NME7: variants seen among roughly 807,000 people sequenced by gnomAD.
NME7 encodes the protein NME/NM23 family member 7.
NME7 carries 41 observed loss-of-function variants against 49.1 expected under a neutral mutation model. The ratio of observed to expected loss-of-function variants is 0.83; its 90% CI spans 0.65 to 1.08. The LOEUF (loss-of-function observed/expected upper bound fraction) is 1.08. Among genes scored for constraint, NME7 ranks in the 50% least tolerant of loss-of-function variants. The pLI is 0.00. For missense variants in NME7, 423 were observed against 463.4 expected (o/e 0.91, Z 0.80); for synonymous variants, 139 against 150.6 (o/e 0.92, Z 0.56).
At position 169,298,609 on chromosome 1, in the gene NME7, C is replaced by A; in HGVS notation, c.595G>T (p.Asp199Tyr). 6.2e-7 allele frequency: 1 copy of A among 1,613,988 alleles called. No individual in the cohort carries two copies. Among genetic ancestry groups the A allele is most frequent in the Non-Finnish European group, 8.5e-7 (1 of 1,179,904 alleles). The change falls in exon 6 of 12, where the codon GAT (aspartate) becomes TAT (tyrosine). Residue 199 changes from aspartate to tyrosine, a missense_variant. Transcript: ENST00000367811. ...SESIRALFGTDGIRNAAHGPD... is the reference protein window; with the variant it reads ...SESIRALFGTYGIRNAAHGPD... The stretch of plus-strand genomic sequence containing the variant: ...CCATGCGCTGCATTTCTTATGCCAT[C>A]TGTTCCAAAGAGGGCTCTAATGCTT...
At chr1:169,202,135 C>T (rs758942440) in intron 10 of NME7, among the ~76,000 whole-genome samples, 1 of 152,146 alleles carries the variant, frequency 6.6e-6, no homozygotes, top group Admixed American at 6.5e-5. Flanking sequence ...TCATTTGCTG[C>T]ACATAGTAAC....
chr1:169,307,440 G>A (rs1355086460), intron 4 of NME7, among the ~76,000 whole-genome samples: 1 of 152,216 alleles, frequency 6.6e-6, no homozygotes, highest in East Asian at 1.9e-4. Flanking sequence ...CAAGTAATTA[G>A]AAGGGCTTGC....
At chr1:169,161,648 A>T (rs1490486194) in intron 11 of NME7, among the ~76,000 whole-genome samples, 3 of 152,234 alleles carry the variant, frequency 2.0e-5, no homozygotes, top group African/African-American at 4.8e-5. Context: ...GGCCTCACAG[A>T]CTGGCTGTCT....
chr1:169,329,628 T>G (rs1312122350), intron 1 of NME7, among the ~76,000 whole-genome samples: 1 of 151,942 alleles, frequency 6.6e-6, no homozygotes, highest in Non-Finnish European at 1.5e-5. Flanking sequence ...GAAGACAGGT[T>G]ATTTGAAAAT....
chr1:169,233,903 T>C (rs951014556), intron 9 of NME7, among the ~76,000 whole-genome samples: 86 of 152,206 alleles, frequency 5.7e-4, no homozygotes, highest in African/African-American at 2.0e-3. Flanking sequence ...GTTTCCTTCC[T>C]TTTCCTCTCC....
chr1:169,169,160 G>A (rs914731575), intron 11 of NME7: 27 of 406,966 alleles, frequency 6.6e-5, no homozygotes, highest in Non-Finnish European at 8.3e-5. Context: ...AGATGGCCAA[G>A]TAACAGAGTC....
At chr1:169,329,733 AAAG>A (rs1557824687) in intron 1 of NME7, among the ~76,000 whole-genome samples, 4 of 152,184 alleles carry the variant, frequency 2.6e-5, no homozygotes, top group Admixed American at 2.0e-4. Flanking sequence ...TATTGGTCTT[AAAG>A]AAGAAGTAGA....
At chr1:169,227,093 G>A (rs766740985) in intron 10 of NME7, among the ~76,000 whole-genome samples, 5 of 152,132 alleles carry the variant, frequency 3.3e-5, no homozygotes, top group Non-Finnish European at 7.3e-5. Context: ...TATTCACTCA[G>A]TAAATGTTCC....
intron 10 of NME7, among the ~76,000 whole-genome samples, chr1:169,194,231 A>G (rs973793201): frequency 8.5e-5 from 13 of 152,210 alleles, no homozygotes; most frequent in African/African-American, 3.1e-4. Flanking sequence ...GGTGGCACAC[A>G]TGGAATGGAA....
At chr1:169,153,367 C>G (rs1658963856) in intron 11 of NME7, among the ~76,000 whole-genome samples, 1 of 152,056 alleles carries the variant, frequency 6.6e-6, no homozygotes, top group African/African-American at 2.4e-5. Flanking sequence ...TTTACATTTC[C>G]AAATTTATCT....
At chr1:169,319,724 T>C (rs568881837) in intron 3 of NME7, among the ~76,000 whole-genome samples, 18 of 152,310 alleles carry the variant, frequency 1.2e-4, no homozygotes, top group Admixed American at 2.0e-4. Context: ...GGTCTTCCTT[T>C]CACTGAAAGT....
chr1:169,251,561 C>CTTT (rs34473903), intron 7 of NME7, among the ~76,000 whole-genome samples: 1 of 95,588 alleles, frequency 1.0e-5, no homozygotes, highest in Non-Finnish European at 2.3e-5. Context: ...TTTTTTTTTT[C>CTTT]TTTTTTTTTT....
chr1:169,306,378 G>T (rs909779721), intron 4 of NME7, among the ~76,000 whole-genome samples: 3 of 152,116 alleles, frequency 2.0e-5, no homozygotes, highest in African/African-American at 7.2e-5. Flanking sequence ...AGCCATCAAG[G>T]AATAGAAGGT....
rs1202239463 is a variant in NME7 at position 169,342,545 on chromosome 1, GTA to G, written c.4-18047_4-18046del. Among the ~76,000 whole-genome samples the G allele has an allele frequency of 7.4e-3, 772 of 104,396 alleles. 48 individuals carry two copies. The highest frequency in any genetic ancestry group is 0.026 in the African/African-American group (717 of 28,066). The allele number at this position is 104,396 out of a possible 152,430, so 68.5% of individuals were successfully genotyped here. A position where few individuals can be genotyped will look rare whatever the true frequency, so the allele number is the denominator to read the frequency against. On this transcript the variant is annotated intron_variant, in intron 1 of 11. Coordinates refer to ENST00000367811, the MANE Select transcript of NME7 (RefSeq NM_013330.5). The stretch of plus-strand genomic sequence containing the variant: ...ATATATATACAAGTACATATATATA[GTA>G]TATATATATATACAAGTACATATAT...
chr1:169,361,613 C>G (rs1218242061), intron 1 of NME7, among the ~76,000 whole-genome samples: 1 of 152,074 alleles, frequency 6.6e-6, no homozygotes, highest in East Asian at 1.9e-4. Flanking sequence ...AACCCCGTCT[C>G]TACTAAAAAT....
chr1:169,199,851 C>A (rs1660498989), intron 10 of NME7, among the ~76,000 whole-genome samples: 1 of 152,038 alleles, frequency 6.6e-6, no homozygotes, highest in Non-Finnish European at 1.5e-5. Flanking sequence ...AGTTTGATGA[C>A]AACTTAGTGC....
chr1:169,223,652 G>A (rs544941196), intron 10 of NME7, among the ~76,000 whole-genome samples: 1 of 152,086 alleles, frequency 6.6e-6, no homozygotes, highest in Admixed American at 6.6e-5. Flanking sequence ...CCCTAGTTCT[G>A]GAATTTGCCA....
At chr1:169,199,265 GT>G (rs548194952) in intron 10 of NME7, among the ~76,000 whole-genome samples, 115 of 151,854 alleles carry the variant, frequency 7.6e-4, no homozygotes, top group African/African-American at 2.7e-3. Flanking sequence ...GTTCTAGAAA[GT>G]TTACATAAAT....
intron 3 of NME7, 70 bp from the exon 4 acceptor site, chr1:169,310,150 A>T: frequency 1.1e-6 from 1 of 932,932 alleles, no homozygotes; most frequent in Non-Finnish European, 1.7e-6. Flanking sequence ...ATTCCCAAGC[A>T]GCAGTATTCT....
Sources: allele counts gnomAD v4.1 joint callset (sites outside exome capture counted in the v4.1 genomes callset), GRCh38; gene constraint gnomAD v4.1.1; transcripts MANE v1.5; gene names NCBI Gene and HGNC (gene_info 2026-07-23, HGNC 2026-07-21).